The following AGBL1 variants were observed in gnomAD, a reference collection of about 807,000 sequenced individuals.
The protein encoded by AGBL1 is cytosolic carboxypeptidase 4.
Under a neutral mutation model 118.9 loss-of-function variants are expected in AGBL1, and 130 were observed. That is an observed-to-expected ratio of 1.09 (90% confidence interval 0.95 to 1.26). The LOEUF (loss-of-function observed/expected upper bound fraction) is 1.26, where lower values mean the gene tolerates loss of function less well. Among genes scored for constraint, AGBL1 ranks in the 50% most tolerant of loss-of-function variants. The pLI is 0.00. For synonymous variants in AGBL1, 555 were observed against 478.9 expected, an observed-to-expected ratio of 1.16 and a Z score of -2.08; for missense variants, 1,584 against 1,298.1, an observed-to-expected ratio of 1.22 and a Z score of -3.38.
chr15:86,082,205 C>T (rs556580913), intron 1 of AGBL1, among the ~76,000 whole-genome samples: 2 of 152,192 alleles, frequency 1.3e-5, no homozygotes, highest in Non-Finnish European at 2.9e-5. Flanking sequence ...GTGGAATAAT[C>T]TTTCATGATG....
At chr15:86,277,113 T>C (rs1299555392) in intron 15 of AGBL1, among the ~76,000 whole-genome samples, 2 of 151,794 alleles carry the variant, frequency 1.3e-5, no homozygotes, top group Admixed American at 6.6e-5. Flanking sequence ...TTCTTTTAGC[T>C]GAAAGTCATT....
intron 17 of AGBL1, among the ~76,000 whole-genome samples, chr15:86,374,865 G>A (rs558291110): frequency 7.2e-5 from 11 of 152,328 alleles, no homozygotes; most frequent in African/African-American, 2.6e-4. Context: ...CCCAGCCTCA[G>A]TATTCTGATT....
At chr15:86,671,384 T>G (rs2085743766) in intron 21 of AGBL1, among the ~76,000 whole-genome samples, 1 of 152,144 alleles carries the variant, frequency 6.6e-6, no homozygotes, top group African/African-American at 2.4e-5. Flanking sequence ...TTGTGCAAAA[T>G]AAAACCTCGT....
rs74605180 is a variant in AGBL1, at chr15:86,127,546, C to T, written c.52-14458C>T. Among the ~76,000 whole-genome samples, 862 of 151,356 alleles carry T rather than the reference C, an allele frequency of 5.7e-3. 10 individuals are homozygous for T. The highest frequency in any genetic ancestry group is 0.015 in the South Asian group (71 of 4,826). On this transcript the variant is annotated intron_variant, in intron 1 of 22. Transcript: ENST00000614907. ...GATGGCATCCACCAAAAGCAGGCCA[C>T]GTGGCCGAGGGCACGTGGGAAATCA...
chr15:86,795,669 C>A (rs1378968797), intron 22 of AGBL1, among the ~76,000 whole-genome samples: 2 of 151,136 alleles, frequency 1.3e-5, no homozygotes, highest in Non-Finnish European at 2.9e-5. Context: ...ATTTCAACCT[C>A]CACCTCCTGG....
At chr15:86,970,086 G>C (rs1025335602) in intron 23 of AGBL1, among the ~76,000 whole-genome samples, 1 of 151,834 alleles carries the variant, frequency 6.6e-6, no homozygotes, top group Non-Finnish European at 1.5e-5. Flanking sequence ...GAGCCCAAAA[G>C]TCTACCCAAT....
intron 22 of AGBL1, among the ~76,000 whole-genome samples, chr15:86,766,592 C>A (rs2078100423): frequency 6.6e-6 from 1 of 151,690 alleles, no homozygotes; most frequent in Non-Finnish European, 1.5e-5. Flanking sequence ...TATAAGGGAA[C>A]AAGTCATAGT....
chr15:86,623,320 C>T (rs1596316168), intron 21 of AGBL1, among the ~76,000 whole-genome samples: 2 of 152,280 alleles, frequency 1.3e-5, no homozygotes, highest in East Asian at 3.9e-4. Context: ...ATCATAAATG[C>T]TGGATGGGAT....
chr15:86,447,780 T>C (rs1485054015), intron 18 of AGBL1, among the ~76,000 whole-genome samples: 1 of 152,142 alleles, frequency 6.6e-6, no homozygotes, highest in Non-Finnish European at 1.5e-5. Context: ...GCCAGTTCTT[T>C]GAGATTTTCT....
intron 5 of AGBL1, among the ~76,000 whole-genome samples, chr15:86,184,036 G>A (rs1026399642): frequency 6.6e-6 from 1 of 152,118 alleles, no homozygotes; most frequent in Non-Finnish European, 1.5e-5. Context: ...GCCACAAGCT[G>A]GTGTACACAT....
chr15:86,337,464 A>G (rs898169869), intron 17 of AGBL1, among the ~76,000 whole-genome samples: 2 of 152,226 alleles, frequency 1.3e-5, no homozygotes, highest in South Asian at 2.1e-4. Context: ...TCAAATGCCC[A>G]TGAATGATAG....
chr15:86,097,073 A>G (rs1038758917), intron 1 of AGBL1, among the ~76,000 whole-genome samples: 1 of 152,190 alleles, frequency 6.6e-6, no homozygotes, highest in African/African-American at 2.4e-5. Context: ...TTACCTCTGC[A>G]TATGTAGGTC....
chr15:86,248,007 G>T, intron 7 of AGBL1, 128 bp downstream of exon 7: 6 of 1,231,814 alleles, frequency 4.9e-6, no homozygotes, highest in Non-Finnish European at 7.0e-6. Context: ...TGCTAAGGGC[G>T]GATGTTCTGG....
intron 21 of AGBL1, among the ~76,000 whole-genome samples, chr15:86,569,675 C>T (rs765484439): frequency 1.3e-5 from 2 of 152,122 alleles, no homozygotes; most frequent in Admixed American, 1.3e-4. Flanking sequence ...TCTATAATGT[C>T]TGTCAGCATC....
intron 22 of AGBL1, among the ~76,000 whole-genome samples, chr15:86,889,019 T>G (rs1255112784): frequency 6.6e-6 from 1 of 152,174 alleles, no homozygotes; most frequent in Non-Finnish European, 1.5e-5. Context: ...TCTATAAATT[T>G]AGGTCAGAAA....
chr15:87,004,824 C>T (rs2081481366), intron 24 of AGBL1, among the ~76,000 whole-genome samples: 1 of 152,116 alleles, frequency 6.6e-6, no homozygotes, highest in Admixed American at 6.5e-5. Context: ...TTTGCAGTGG[C>T]TGGTTCCGGT....
chr15:86,157,844 G>A (rs558582364), intron 4 of AGBL1, among the ~76,000 whole-genome samples: 6 of 152,244 alleles, frequency 3.9e-5, no homozygotes, highest in Admixed American at 6.5e-5. Flanking sequence ...CAGAGCTGCC[G>A]GAGCTCTAAC....
intron 1 of AGBL1, among the ~76,000 whole-genome samples, chr15:86,081,425 A>G (rs1895277897): frequency 6.6e-6 from 1 of 152,200 alleles, no homozygotes; most frequent in Admixed American, 6.5e-5. Context: ...AGATAAGGAA[A>G]CGGAATCTCA....
In AGBL1 at chr15:86,613,967, G is replaced by A. The variant is rs931689270; in HGVS notation, c.2994+59430G>A. On this transcript the variant is annotated intron_variant, in intron 21 of 22. Transcript: ENST00000614907. The surrounding 1 kb of genome is among the most constrained non-coding windows in gnomAD (Gnocchi z 4.2). ...CCTTTCCATCTCCTAAGGGAGGTGG[G>A]GTAATGTGCTGCTGCAAACTTTGTA... 3.9e-5 allele frequency among the ~76,000 whole-genome samples: 6 copies of A among 152,124 alleles called. No homozygotes were observed. The highest frequency in any genetic ancestry group is 1.2e-4 in the African/African-American group (5 of 41,412).
Sources: gnomAD v4.1 joint callset for allele counts (sites outside exome capture counted in the v4.1 genomes callset) on GRCh38, gnomAD v4.1.1 for gene constraint, Gnocchi (gnomAD v3.1) non-coding constraint, MANE v1.5 for transcripts, NCBI Gene and HGNC (gene_info 2026-07-23, HGNC 2026-07-21) for gene names.